The following MYO3A variants were observed in gnomAD, a reference collection of about 807,000 sequenced individuals.
MYO3A encodes the protein myosin-IIIa.
MYO3A carries 180 observed loss-of-function variants against 192.7 expected under a neutral mutation model. The ratio of observed to expected loss-of-function variants is 0.93; its 90% CI spans 0.83 to 1.06. The LOEUF (loss-of-function observed/expected upper bound fraction) is 1.06. Ranked by LOEUF, MYO3A falls within the 50% of genes least tolerant of loss-of-function variation. The pLI, the probability that MYO3A is intolerant of heterozygous loss-of-function variation, is 0.00. For missense variants in MYO3A, 1,896 were observed against 1,905.0 expected (o/e 1.00, Z 0.09); for synonymous variants, 628 against 645.3 (o/e 0.97, Z 0.41).
intron 14 of MYO3A, among the ~76,000 whole-genome samples, chr10:26,077,670 C>G (rs1049408126): frequency 6.6e-6 from 1 of 151,968 alleles, no homozygotes; most frequent in African/African-American, 2.4e-5. Context: ...AGATATGTCC[C>G]TTGTATGCTA....
At chr10:26,067,219 T>A in intron 11 of MYO3A, 145 bp downstream of exon 11, 1 of 628,298 alleles carries the variant, frequency 1.6e-6, no homozygotes, top group Non-Finnish European at 2.8e-6. Flanking sequence ...ATGTCTCCCA[T>A]CTGTAAGTCT....
intron 31 of MYO3A, among the ~76,000 whole-genome samples, chr10:26,177,760 T>G (rs774800480): frequency 1.3e-5 from 2 of 152,008 alleles, no homozygotes; most frequent in Non-Finnish European, 2.9e-5. Flanking sequence ...CTGCAATGAG[T>G]TTGGCTGTTA....
chr10:25,952,829 C>T (rs1203230780), intron 3 of MYO3A, among the ~76,000 whole-genome samples: 2 of 116,890 alleles, frequency 1.7e-5, no homozygotes, highest in Non-Finnish European at 3.9e-5. Flanking sequence ...TCATGTTCAG[C>T]TCTGCTAGTC....
At chr10:26,173,337 T>A (rs1842148240) in intron 29 of MYO3A, among the ~76,000 whole-genome samples, 1 of 152,196 alleles carries the variant, frequency 6.6e-6, no homozygotes, top group Admixed American at 6.5e-5. Context: ...TAAAGGTACT[T>A]TGTTTTGAAA....
intron 10 of MYO3A, among the ~76,000 whole-genome samples, chr10:26,060,207 G>A (rs10828944): frequency 0.13 from 19,203 of 151,616 alleles, 1,675 homozygotes; most frequent in East Asian, 0.35. Context: ...TGTGGTGAGC[G>A]AAGATCATGC....
rs148281215 is a variant in MYO3A at position 26,095,930 on chromosome 10, C to A, written c.1563-451C>A. ...TTTGGGGGAGATTGACAGCTCTAAT[C>A]CTCGGTTTCCTTCTCCATAAAATAG... is the stretch of plus-strand genomic sequence containing the variant. On this transcript the variant is annotated intron_variant, in intron 15 of 34. Coordinates refer to ENST00000642920, the MANE Select transcript of MYO3A (RefSeq NM_017433.5). Among the ~76,000 whole-genome samples, 378 of 152,286 alleles carry A rather than the reference C, an allele frequency of 2.5e-3. 2 individuals carry two copies. Among genetic ancestry groups the A allele is most frequent in the African/African-American group, 8.6e-3 (357 of 41,556 alleles).
chr10:26,012,052 C>G (rs776915686), intron 6 of MYO3A, among the ~76,000 whole-genome samples: 10 of 152,174 alleles, frequency 6.6e-5, no homozygotes, highest in Non-Finnish European at 1.5e-4. Context: ...TCCATCATCC[C>G]TTTATGATAA....
At chr10:25,949,810 T>G (rs1423300367) in intron 2 of MYO3A, among the ~76,000 whole-genome samples, 1 of 152,154 alleles carries the variant, frequency 6.6e-6, no homozygotes, top group Non-Finnish European at 1.5e-5. Context: ...AGAACCCTAT[T>G]CATTTATTTA....
chr10:26,172,362 C>T (rs887053811), intron 29 of MYO3A, among the ~76,000 whole-genome samples: 1 of 152,216 alleles, frequency 6.6e-6, no homozygotes, highest in Non-Finnish European at 1.5e-5. Context: ...GAAGAGATCG[C>T]CAGTCCTCCC....
intron 5 of MYO3A, among the ~76,000 whole-genome samples, chr10:25,996,810 T>C (rs1354369240): frequency 6.6e-6 from 1 of 152,190 alleles, no homozygotes; most frequent in Non-Finnish European, 1.5e-5. Flanking sequence ...TCTGACCTCT[T>C]AAGTGTATTT....
rs1184463802 is a variant in MYO3A at position 26,021,652 on chromosome 10, A to G, written c.731+4A>G. 6.2e-7 allele frequency: 1 copy of G among 1,614,112 alleles called. No individual in the cohort carries two copies. The highest frequency in any genetic ancestry group is 1.7e-5 in the Admixed American group (1 of 60,018). On this transcript the variant is annotated splice_donor_region_variant and intron_variant, in intron 8 of 34. Coordinates refer to ENST00000642920, the MANE Select transcript of MYO3A (RefSeq NM_017433.5). ...GAGCACTCTTCAAAATACCAAGGTC[A>G]GATGACTAACATTGGGTCCAGTATC...
intron 2 of MYO3A, among the ~76,000 whole-genome samples, chr10:25,947,395 T>C (rs568358367): frequency 2.6e-4 from 37 of 143,380 alleles, no homozygotes; most frequent in Admixed American, 5.5e-4. Context: ...TTTTCTTTTT[T>C]TTTTTTTTTT....
At chr10:25,984,326 G>A (rs1477618638) in intron 4 of MYO3A, among the ~76,000 whole-genome samples, 1 of 152,140 alleles carries the variant, frequency 6.6e-6, no homozygotes, top group Non-Finnish European at 1.5e-5. Flanking sequence ...GTGACAGAAT[G>A]GATAAGAATT....
intron 7 of MYO3A, among the ~76,000 whole-genome samples, chr10:26,019,139 A>G (rs968153887): frequency 1.6e-4 from 25 of 151,666 alleles, no homozygotes; most frequent in African/African-American, 6.0e-4. Context: ...TTCACTCCTC[A>G]TCTTTGCCTA....
At chr10:26,071,878 C>T (rs536883823) in intron 14 of MYO3A, among the ~76,000 whole-genome samples, 3 of 152,160 alleles carry the variant, frequency 2.0e-5, no homozygotes, top group East Asian at 3.9e-4. Context: ...ATACCAAGTA[C>T]TGAAAAAGAT....
chr10:25,991,284 T>C (rs1840012344), intron 4 of MYO3A, among the ~76,000 whole-genome samples: 1 of 152,400 alleles, frequency 6.6e-6, no homozygotes, highest in Non-Finnish European at 1.5e-5. Context: ...CATTTTTTCA[T>C]GTGTCTGTTG....
At chr10:26,102,575 C>T (rs1051012793) in intron 17 of MYO3A, among the ~76,000 whole-genome samples, 4 of 152,110 alleles carry the variant, frequency 2.6e-5, no homozygotes, top group Non-Finnish European at 5.9e-5. Flanking sequence ...TACAGATGGG[C>T]TTTTGGTGTG....
chr10:26,064,552 A>T lies in MYO3A; in HGVS notation c.954-2423A>T, dbSNP rs1588887482. 6.2e-5 allele frequency among the ~76,000 whole-genome samples: 7 copies of T among 113,254 alleles called. No homozygotes were observed. In the East Asian group the frequency reaches 1.5e-3, roughly 24 times the overall value. 74.3% of individuals were successfully genotyped at this position (113,254 alleles called of 152,430 possible). On this transcript the variant is annotated intron_variant, in intron 10 of 34. Coordinates refer to ENST00000642920, the MANE Select transcript of MYO3A (RefSeq NM_017433.5). ...GAGCAGAGTAGTGACATGATCTGAC[A>T]TTTTTTTTAAAGATCACTCTGGCTG...
chr10:26,191,362 G>C (rs1843120947), intron 31 of MYO3A, among the ~76,000 whole-genome samples: 1 of 152,150 alleles, frequency 6.6e-6, no homozygotes, highest in South Asian at 2.1e-4. Context: ...AAATGGCTCA[G>C]ATATTTGGAC....
Sources: allele counts gnomAD v4.1 joint callset (sites outside exome capture counted in the v4.1 genomes callset), GRCh38; gene constraint gnomAD v4.1.1; transcripts MANE v1.5; gene names NCBI Gene and HGNC (gene_info 2026-07-23, HGNC 2026-07-21).